Variants in SPAG16 observed in about 807,000 individuals in gnomAD.
SPAG16 encodes sperm associated antigen 16.
SPAG16 carries 86 observed loss-of-function variants against 80.4 expected under a neutral mutation model. The ratio of observed to expected loss-of-function variants is 1.07; its 90% CI spans 0.90 to 1.28. The LOEUF is 1.28. Ranked by LOEUF, SPAG16 falls within the 50% of genes most tolerant of loss-of-function variation. The pLI, the probability that SPAG16 is intolerant of heterozygous loss-of-function variation, is 0.00. For missense variants in SPAG16, 870 were observed against 765.3 expected, an observed-to-expected ratio of 1.14 and a Z score of -1.61; for synonymous variants, 294 against 265.9, an observed-to-expected ratio of 1.11 and a Z score of -1.03.
intron 10 of SPAG16, among the ~76,000 whole-genome samples, chr2:213,540,028 A>AGTTTTTTTTTTTTTT (rs1559234806): frequency 7.7e-6 from 1 of 130,456 alleles, no homozygotes; most frequent in African/African-American, 2.7e-5. Flanking sequence ...TATATTTCTT[A>AGTTTTTTTTTTTTTT]ATTTTTTTTT....
At chr2:213,756,006 TC>T (rs2068310362) in intron 10 of SPAG16, among the ~76,000 whole-genome samples, 1 of 152,176 alleles carries the variant, frequency 6.6e-6, no homozygotes, top group Non-Finnish European at 1.5e-5. Flanking sequence ...AGTTTAAAAA[TC>T]TTCCCAAGAT....
intron 10 of SPAG16, among the ~76,000 whole-genome samples, chr2:213,752,386 A>C (rs185043051): frequency 1.9e-4 from 29 of 152,286 alleles, no homozygotes; most frequent in African/African-American, 6.5e-4. Context: ...TATCAGTGCT[A>C]ATCTTCCCTG....
intron 14 of SPAG16, among the ~76,000 whole-genome samples, chr2:214,139,619 C>G (rs1576326665): frequency 6.6e-6 from 1 of 152,194 alleles, no homozygotes; most frequent in South Asian, 2.1e-4. Flanking sequence ...ATAATGGCTT[C>G]AGCTTCCTTC....
intron 12 of SPAG16, among the ~76,000 whole-genome samples, chr2:213,949,273 C>A (rs539743047): frequency 7.0e-6 from 1 of 143,552 alleles, no homozygotes; most frequent in African/African-American, 2.6e-5. Flanking sequence ...CAGGTTCAAG[C>A]GATTCTCGTG....
At chr2:213,793,719 C>T (rs1337971274) in intron 10 of SPAG16, among the ~76,000 whole-genome samples, 3 of 152,156 alleles carry the variant, frequency 2.0e-5, no homozygotes, top group Non-Finnish European at 4.4e-5. Context: ...TTCCCAAAAT[C>T]AGAATCTCAG....
chr2:213,707,333 T>C (rs1344847044), intron 10 of SPAG16, among the ~76,000 whole-genome samples: 1 of 152,246 alleles, frequency 6.6e-6, no homozygotes, highest in African/African-American at 2.4e-5. Context: ...TCTAATGCAC[T>C]ACACTGTTTT....
intron 9 of SPAG16, among the ~76,000 whole-genome samples, chr2:213,468,569 A>ATG: frequency 7.0e-6 from 1 of 143,738 alleles, no homozygotes; most frequent in East Asian, 2.0e-4. Flanking sequence ...AGAGATATAT[A>ATG]TATCTATGTA....
rs377092369 is a variant in SPAG16, at chr2:213,397,808, C to G, written c.942+22689C>G. ...ACCCTCTGTTGGTTGTCTTCACTCC[C>G]TAGGTGATCTCATCCAGTCTTATGG... On this transcript the variant is annotated intron_variant, in intron 9 of 15. Transcript: ENST00000331683. Among the ~76,000 whole-genome samples the G allele has an allele frequency of 4.1e-4, 62 of 152,322 alleles. 1 individual carries two copies. The South Asian group carries it at 0.012, about 30-fold the overall frequency.
chr2:213,289,633 A>G (rs1170282921), intron 1 of SPAG16, among the ~76,000 whole-genome samples: 1 of 152,248 alleles, frequency 6.6e-6, no homozygotes, highest in Non-Finnish European at 1.5e-5. Context: ...GACCAAGACT[A>G]TGATATTTGC....
At chr2:213,680,605 A>G (rs2064331209) in intron 10 of SPAG16, among the ~76,000 whole-genome samples, 1 of 152,024 alleles carries the variant, frequency 6.6e-6, no homozygotes, top group Non-Finnish European at 1.5e-5. Flanking sequence ...TGTGTAGAGC[A>G]TCCTTGCAAG....
chr2:214,269,234 C>T (rs183675539), intron 15 of SPAG16, among the ~76,000 whole-genome samples: 18 of 151,922 alleles, frequency 1.2e-4, no homozygotes, highest in African/African-American at 1.7e-4. Context: ...AAAGAAATGA[C>T]GTTTAAAAAT....
At chr2:214,031,628 G>GAAAA (rs34664637) in intron 13 of SPAG16, among the ~76,000 whole-genome samples, 1 of 140,580 alleles carries the variant, frequency 7.1e-6, no homozygotes, top group Non-Finnish European at 1.5e-5. Flanking sequence ...AAATAAACAT[G>GAAAA]AAAAAAAAAA....
chr2:213,640,974 T>A (rs1228703955), intron 10 of SPAG16, among the ~76,000 whole-genome samples: 1 of 152,110 alleles, frequency 6.6e-6, no homozygotes, highest in Non-Finnish European at 1.5e-5. Flanking sequence ...TGGGTTTCTC[T>A]GGTAATGGAT....
chr2:213,809,311 A>G (rs2071971605), intron 10 of SPAG16, among the ~76,000 whole-genome samples: 1 of 152,140 alleles, frequency 6.6e-6, no homozygotes, highest in Non-Finnish European at 1.5e-5. Flanking sequence ...CACCCTGGCT[A>G]AGAGAAGAAG....
intron 12 of SPAG16, among the ~76,000 whole-genome samples, chr2:213,992,640 T>G (rs976644935): frequency 7.9e-5 from 12 of 152,274 alleles, no homozygotes; most frequent in African/African-American, 2.9e-4. Flanking sequence ...TTTGAAGAAA[T>G]TAAGCAGACT....
chr2:214,338,212 C>T (rs1345447590), intron 15 of SPAG16, among the ~76,000 whole-genome samples: 1 of 152,116 alleles, frequency 6.6e-6, no homozygotes, highest in Non-Finnish European at 1.5e-5. Flanking sequence ...TTTCCTGTAA[C>T]TTTTAAGAAA....
intron 12 of SPAG16, among the ~76,000 whole-genome samples, chr2:213,965,225 A>G (rs1166748884): frequency 1.3e-5 from 2 of 152,136 alleles, no homozygotes; most frequent in Admixed American, 6.5e-5. Context: ...CTCTCCCCCA[A>G]ATGACAGTGG....
At chr2:214,150,679 T>G (rs913779271) in intron 15 of SPAG16, among the ~76,000 whole-genome samples, 4 of 152,114 alleles carry the variant, frequency 2.6e-5, no homozygotes, top group African/African-American at 9.6e-5. Context: ...TTCAAAATTT[T>G]GTCTGTACTT....
chr2:214,161,777 G>A (rs531711750), intron 15 of SPAG16, among the ~76,000 whole-genome samples: 2 of 152,068 alleles, frequency 1.3e-5, no homozygotes, highest in Admixed American at 6.6e-5. Flanking sequence ...AACCACCATG[G>A]CACACTTTTA....
Sources: gnomAD v4.1 joint callset for allele counts (sites outside exome capture counted in the v4.1 genomes callset) on GRCh38, gnomAD v4.1.1 for gene constraint, MANE v1.5 for transcripts, NCBI Gene and HGNC (gene_info 2026-07-23, HGNC 2026-07-21) for gene names.